TENM2: variants seen among roughly 807,000 people sequenced by gnomAD.
The protein encoded by TENM2 is teneurin transmembrane protein 2.
In TENM2, 52 loss-of-function variants were observed where a neutral mutation model predicts 245.2. That is an observed-to-expected ratio of 0.21 (90% confidence interval 0.17 to 0.27). The LOEUF is 0.27. Ranked by LOEUF, TENM2 falls within the 10% of genes least tolerant of loss-of-function variation. The pLI is 1.00. For missense variants in TENM2, 3,046 were observed against 3,666.8 expected (o/e 0.83, Z 4.37); for synonymous variants, 1,363 against 1,438.9 (o/e 0.95, Z 1.19).
the TENM2 span, among the ~76,000 whole-genome samples, chr5:167,080,336 T>C: frequency 1.3e-5 from 2 of 152,324 alleles, no homozygotes; most frequent in African/African-American, 4.8e-5. Context: ...TCACTCTTTA[T>C]GGGAACAAGA....
intron 23 of TENM2, among the ~76,000 whole-genome samples, chr5:168,219,727 G>A (rs182477425): frequency 6.8e-6 from 1 of 146,732 alleles, no homozygotes; most frequent in East Asian, 2.1e-4. Flanking sequence ...TGATGAAGGA[G>A]TGTGTTAACC....
chr5:167,191,036 G>T, the TENM2 span, among the ~76,000 whole-genome samples: 1 of 151,890 alleles, frequency 6.6e-6, no homozygotes, highest in Non-Finnish European at 1.5e-5. Flanking sequence ...GAGCACATTA[G>T]TACATCAATT....
At chr5:168,127,691 A>G (rs564806026) in intron 12 of TENM2, among the ~76,000 whole-genome samples, 7 of 152,306 alleles carry the variant, frequency 4.6e-5, no homozygotes, top group African/African-American at 1.4e-4. Context: ...CTGGGAGCCA[A>G]TGCTGTTTGG....
intron 2 of TENM2, among the ~76,000 whole-genome samples, chr5:167,716,905 T>G (rs1759302348): frequency 2.0e-5 from 2 of 99,604 alleles, no homozygotes; most frequent in Admixed American, 2.4e-4. Flanking sequence ...TATTTTATTT[T>G]ATTTTATTTT....
At chr5:167,411,669 C>A (rs1762920527) in intron 2 of TENM2, among the ~76,000 whole-genome samples, 1 of 151,360 alleles carries the variant, frequency 6.6e-6, no homozygotes, top group South Asian at 2.1e-4. Flanking sequence ...TAAAATATCT[C>A]TACAGGATTC....
At chr5:167,799,410 C>T (rs1765545169) in intron 2 of TENM2, among the ~76,000 whole-genome samples, 1 of 152,090 alleles carries the variant, frequency 6.6e-6, no homozygotes, top group Non-Finnish European at 1.5e-5. Context: ...TTTATTTTGG[C>T]CTTTGCTTTC....
chr5:168,075,715 CT>C (rs1172940553), intron 7 of TENM2, among the ~76,000 whole-genome samples: 3 of 152,144 alleles, frequency 2.0e-5, no homozygotes, highest in Non-Finnish European at 4.4e-5. Context: ...TCTCATGCTG[CT>C]AATAAAGACA....
At chr5:167,360,522 T>C (rs1052395638) in intron 1 of TENM2, among the ~76,000 whole-genome samples, 1 of 152,168 alleles carries the variant, frequency 6.6e-6, no homozygotes, top group African/African-American at 2.4e-5. Context: ...TGGTAGGCTG[T>C]CTTTCTGCTC....
chr5:167,895,306 T>C (rs2151485082), intron 3 of TENM2, among the ~76,000 whole-genome samples: 1 of 152,230 alleles, frequency 6.6e-6, no homozygotes, highest in Non-Finnish European at 1.5e-5. Flanking sequence ...GGCATACATT[T>C]TGGGAAACAA....
At chr5:167,393,910 G>A (rs760675737) in intron 2 of TENM2, among the ~76,000 whole-genome samples, 4 of 152,152 alleles carry the variant, frequency 2.6e-5, no homozygotes, top group Non-Finnish European at 5.9e-5. Flanking sequence ...TATTGGCTGA[G>A]AAGTGTCTGC....
the TENM2 span, among the ~76,000 whole-genome samples, chr5:167,124,797 T>G: frequency 1.3e-5 from 2 of 152,186 alleles, no homozygotes; most frequent in East Asian, 3.8e-4. Flanking sequence ...AATAAATAGT[T>G]GGTTTCTCCA....
In TENM2 at chr5:167,291,643, C is replaced by T. The variant is rs369650429; in HGVS notation, c.226+6580C>T. ...GATGATACCTATATCTACCATTTTA[C>T]GGCTGTAGCTGGCCACATCTTGGAT... is the stretch of plus-strand genomic sequence containing the variant. On this transcript the variant is annotated intron_variant, in intron 1 of 28. Transcript: ENST00000518659. Among the ~76,000 whole-genome samples the T allele has an allele frequency of 6.6e-5, 10 of 152,304 alleles. No homozygotes were observed. The East Asian group carries it at 1.2e-3, about 18-fold the overall frequency.
At chr5:167,888,994 G>C (rs1220985377) in intron 3 of TENM2, among the ~76,000 whole-genome samples, 1 of 152,128 alleles carries the variant, frequency 6.6e-6, no homozygotes, top group Non-Finnish European at 1.5e-5. Flanking sequence ...ACTCAACCAT[G>C]GGAAGCTAAC....
intron 2 of TENM2, among the ~76,000 whole-genome samples, chr5:167,533,652 G>T (rs1222076424): frequency 6.6e-6 from 1 of 151,990 alleles, no homozygotes; most frequent in Non-Finnish European, 1.5e-5. Flanking sequence ...TAGAAATGGG[G>T]TCTAGTTATG....
exon 17 of TENM2, chr5:168,200,098 G>A (rs761542211): frequency 6.2e-7 from 1 of 1,613,708 alleles, no homozygotes; most frequent in Admixed American, 1.7e-5. Flanking sequence ...AGATGCGTAT[G>A]GCCAAAGGGT....
intron 2 of TENM2, among the ~76,000 whole-genome samples, chr5:167,633,671 T>G (rs755398148): frequency 6.6e-6 from 1 of 152,184 alleles, no homozygotes; most frequent in Non-Finnish European, 1.5e-5. Flanking sequence ...CTCTTTTCCC[T>G]TCCTCCCTTT....
At chr5:167,272,190 A>G in the TENM2 span, among the ~76,000 whole-genome samples, 1 of 152,162 alleles carries the variant, frequency 6.6e-6, no homozygotes, top group Non-Finnish European at 1.5e-5. Context: ...AAGGCTCTGC[A>G]TGACATTCCA....
chr5:167,856,633 G>T (rs927033220), intron 2 of TENM2, among the ~76,000 whole-genome samples: 1 of 152,124 alleles, frequency 6.6e-6, no homozygotes, highest in Non-Finnish European at 1.5e-5. Context: ...GGTGGGGCAG[G>T]GTGAATATCT....
rs150964927 is a variant in TENM2 at position 168,116,156 on chromosome 5, A to G, written c.1814-2136A>G. Reference sequence around the variant, plus strand: ...CCTCTGTTAGACAATCAGCCTCTGTAGCAACTCTGTACAAACTCCTCTGTT... The same window carrying G: ...CCTCTGTTAGACAATCAGCCTCTGTGGCAACTCTGTACAAACTCCTCTGTT... On this transcript the variant is annotated intron_variant, in intron 9 of 28. Coordinates refer to ENST00000518659, the Ensembl canonical transcript of TENM2. Among the ~76,000 whole-genome samples the G allele has an allele frequency of 7.2e-5, 11 of 152,270 alleles. No individual in the cohort carries two copies. The East Asian group carries it at 2.1e-3, about 29-fold the overall frequency.
Sources: gnomAD v4.1 joint callset for allele counts (sites outside exome capture counted in the v4.1 genomes callset) on GRCh38, gnomAD v4.1.1 for gene constraint, MANE v1.5 for transcripts, NCBI Gene and HGNC (gene_info 2026-07-23, HGNC 2026-07-21) for gene names.